ANKRD44: variants seen among roughly 807,000 people sequenced by gnomAD.
ANKRD44 encodes serine/threonine-protein phosphatase 6 regulatory ankyrin repeat subunit B.
Under a neutral mutation model 116.0 loss-of-function variants are expected in ANKRD44, and 35 were observed. The ratio of observed to expected loss-of-function variants is 0.30; its 90% CI spans 0.23 to 0.40. The LOEUF (loss-of-function observed/expected upper bound fraction) is 0.40, where lower values mean the gene tolerates loss of function less well. Ranked by LOEUF, ANKRD44 falls within the 10% of genes least tolerant of loss-of-function variation. The pLI is 1.00. For missense variants in ANKRD44, 1,014 were observed against 1,242.6 expected (o/e 0.82, Z 2.77); for synonymous variants, 435 against 461.8 (o/e 0.94, Z 0.74).
chr2:196,988,032 A>G lies in ANKRD44; in HGVS notation c.*1559T>C. The G allele has an allele frequency of 2.0e-6, 2 of 985,426 alleles. No individual in the cohort carries two copies. Among genetic ancestry groups the G allele is most frequent in the Non-Finnish European group, 2.4e-6 (2 of 829,916 alleles). 61.0% of individuals were successfully genotyped at this position (985,426 alleles called of 1,614,324 possible). A position where few individuals can be genotyped will look rare whatever the true frequency, so the allele number is the denominator to read the frequency against. On this transcript the variant is annotated 3_prime_UTR_variant, in exon 28 of 28. Transcript: ENST00000282272. ...TAATGAACAGTTCATTGTGAGCATG[A>G]TTTCATTTCGTTCCTTTGTCCTCCT... is the stretch of plus-strand genomic sequence containing the variant.
chr2:197,075,372 C>T (rs1195459690), intron 16 of ANKRD44, among the ~76,000 whole-genome samples: 1 of 152,166 alleles, frequency 6.6e-6, no homozygotes, highest in Non-Finnish European at 1.5e-5. Context: ...AGGTCTGGAA[C>T]TTTCCTTTGC....
At chr2:197,063,858 A>G (rs1020212441) in intron 16 of ANKRD44, among the ~76,000 whole-genome samples, 6 of 152,248 alleles carry the variant, frequency 3.9e-5, no homozygotes, top group African/African-American at 1.4e-4. Context: ...GGGAGAATGG[A>G]ACCAAGTTGG....
intron 15 of ANKRD44, among the ~76,000 whole-genome samples, chr2:197,081,130 A>G (rs2077784865): frequency 1.3e-5 from 2 of 152,140 alleles, no homozygotes; most frequent in Non-Finnish European, 2.9e-5. Context: ...AGCCAGGGAG[A>G]GGCAGGTGGG....
intron 16 of ANKRD44, 79 bp downstream of exon 16, chr2:197,078,624 G>GA: frequency 2.6e-6 from 4 of 1,560,134 alleles, no homozygotes; most frequent in Non-Finnish European, 3.5e-6. Context: ...TACAACTCTG[G>GA]AAAAAAACAG....
At chr2:196,993,148 T>C (rs759210496) in intron 27 of ANKRD44, among the ~76,000 whole-genome samples, 9 of 152,106 alleles carry the variant, frequency 5.9e-5, no homozygotes, top group African/African-American at 1.7e-4. Context: ...TGATCTGTAC[T>C]TAAAGAAAAA....
At chr2:196,996,173 C>T (rs1023260204) in intron 25 of ANKRD44, among the ~76,000 whole-genome samples, 1 of 152,212 alleles carries the variant, frequency 6.6e-6, no homozygotes, top group African/African-American at 2.4e-5. Flanking sequence ...GGAGTTAGAA[C>T]TGCTGAATCT....
At chr2:197,161,684 G>A (rs940625522) in intron 2 of ANKRD44, among the ~76,000 whole-genome samples, 5 of 152,170 alleles carry the variant, frequency 3.3e-5, no homozygotes, top group African/African-American at 1.2e-4. Flanking sequence ...TCATGGAAGT[G>A]AATAATTTTT....
At position 197,186,612 on chromosome 2, in the gene ANKRD44, C is replaced by CTT. The variant is rs149107038; in HGVS notation, c.111+409_111+410dup. ...CCATCACTATGCCCGGCTAATTTTT[C>CTT]TTTTTTTTTTTTTTTTTTTTTTTTT... On this transcript the variant is annotated intron_variant, in intron 2 of 27. Transcript: ENST00000282272. 1.7e-3 allele frequency among the ~76,000 whole-genome samples: 84 copies of CTT among 50,804 alleles called. 14 individuals are homozygous for CTT. Among genetic ancestry groups the CTT allele is most frequent in the South Asian group, 3.2e-3 (2 of 624 alleles). The allele number at this position is 50,804 out of a possible 152,430, so 33.3% of individuals were successfully genotyped here.
At chr2:197,273,483 C>A (rs1213701180) in intron 1 of ANKRD44, among the ~76,000 whole-genome samples, 5 of 152,220 alleles carry the variant, frequency 3.3e-5, no homozygotes, top group Non-Finnish European at 7.3e-5. Flanking sequence ...TTCTAACACA[C>A]AGTCGCCAAA....
intron 1 of ANKRD44, among the ~76,000 whole-genome samples, chr2:197,254,598 TACACACACACACACAC>T (rs3057783): frequency 0.011 from 1,660 of 148,266 alleles, 32 homozygotes; most frequent in African/African-American, 0.038. Flanking sequence ...CATACATGCA[TACACACACACACACAC>T]ACACACACAC....
intron 8 of ANKRD44, among the ~76,000 whole-genome samples, chr2:197,114,420 A>G (rs2078661523): frequency 6.6e-6 from 1 of 152,222 alleles, no homozygotes. Context: ...GTCATAAAGG[A>G]AAAATACTGA....
intron 9 of ANKRD44, among the ~76,000 whole-genome samples, chr2:197,100,792 T>C (rs925339769): frequency 6.6e-6 from 1 of 152,210 alleles, no homozygotes; most frequent in Non-Finnish European, 1.5e-5. Context: ...ACAATAATCA[T>C]CCATACTTCT....
chr2:197,263,359 G>A, intron 1 of ANKRD44: 2 of 650,528 alleles, frequency 3.1e-6, no homozygotes, highest in Admixed American at 2.2e-5. Context: ...CACAGTTGGG[G>A]TGGCGGGCTC....
intron 1 of ANKRD44, among the ~76,000 whole-genome samples, chr2:197,202,402 T>C (rs1313418479): frequency 3.5e-5 from 5 of 144,612 alleles, no homozygotes; most frequent in Non-Finnish European, 7.6e-5. Flanking sequence ...AGATTTCAGA[T>C]GGAAAAAAAA....
chr2:196,968,170 CATA>C (rs967979501), intron 21 of ANKRD44, among the ~76,000 whole-genome samples: 42 of 152,222 alleles, frequency 2.8e-4, no homozygotes, highest in African/African-American at 9.1e-4. Context: ...ATATCAAGTC[CATA>C]GCAACTTAAA....
At chr2:197,146,508 T>C (rs2079506383) in intron 3 of ANKRD44, among the ~76,000 whole-genome samples, 1 of 152,110 alleles carries the variant, frequency 6.6e-6, no homozygotes, top group Non-Finnish European at 1.5e-5. Context: ...TGTGCATATA[T>C]AATAGCATAT....
chr2:197,200,647 C>A (rs1021685205), intron 1 of ANKRD44, among the ~76,000 whole-genome samples: 2 of 152,130 alleles, frequency 1.3e-5, no homozygotes, highest in African/African-American at 2.4e-5. Flanking sequence ...CCCTATGCTA[C>A]CCCCTGCCAA....
chr2:197,197,018 C>T (rs544879898), intron 1 of ANKRD44, among the ~76,000 whole-genome samples: 99 of 152,194 alleles, frequency 6.5e-4, no homozygotes, highest in African/African-American at 2.2e-3. Context: ...ATTGTTATAG[C>T]AACCATTCTA....
chr2:197,175,286 T>C (rs2125558203), intron 2 of ANKRD44, among the ~76,000 whole-genome samples: 1 of 152,290 alleles, frequency 6.6e-6, no homozygotes, highest in South Asian at 2.1e-4. Context: ...TGCATGCTTG[T>C]TTGCCTATCT....
Sources: allele counts gnomAD v4.1 joint callset (sites outside exome capture counted in the v4.1 genomes callset), GRCh38; gene constraint gnomAD v4.1.1; transcripts MANE v1.5; gene names NCBI Gene and HGNC (gene_info 2026-07-23, HGNC 2026-07-21).